Variants in ROBO2 observed in about 807,000 individuals in gnomAD.
ROBO2 encodes the protein roundabout homolog 2.
A neutral mutation model predicts 160.8 loss-of-function variants in ROBO2; 53 were observed. The observed-to-expected ratio is 0.33, with a 90% CI of 0.26 to 0.41. ROBO2 has a LOEUF of 0.41. ROBO2 is among the 10% of genes least tolerant of loss of function. The probability of loss-of-function intolerance (pLI) is 1.00; values close to 1 mark genes in which losing one functional copy is unlikely to be tolerated. For synonymous variants in ROBO2, 664 were observed against 611.7 expected (o/e 1.09, Z -1.26); for missense variants, 1,577 against 1,722.4 (o/e 0.92, Z 1.49).
At chr3:76,762,928 AT>A (rs1288099324) in intron 2 of ROBO2, among the ~76,000 whole-genome samples, 2 of 151,740 alleles carry the variant, frequency 1.3e-5, no homozygotes, top group East Asian at 3.9e-4. Flanking sequence ...CAGAAGGAGT[AT>A]TGTTCACGAT....
intron 6 of ROBO2, among the ~76,000 whole-genome samples, chr3:77,525,842 G>A (rs1162971030): frequency 3.3e-5 from 5 of 149,314 alleles, no homozygotes; most frequent in African/African-American, 1.2e-4. Flanking sequence ...TGTTTCTGAA[G>A]GAAACATTAT....
At chr3:76,293,599 T>C (rs953546004) in intron 2 of ROBO2, among the ~76,000 whole-genome samples, 7 of 152,116 alleles carry the variant, frequency 4.6e-5, no homozygotes, top group African/African-American at 1.4e-4. Context: ...GTAAGACTGA[T>C]TGATTATGTG....
chr3:77,011,269 A>G (rs1304203897), intron 2 of ROBO2, among the ~76,000 whole-genome samples: 1 of 151,784 alleles, frequency 6.6e-6, no homozygotes, highest in African/African-American at 2.4e-5. Flanking sequence ...TTGCTATCGT[A>G]TATTTAGTGC....
intron 5 of ROBO2, among the ~76,000 whole-genome samples, chr3:77,507,644 T>A (rs933198827): frequency 3.3e-5 from 5 of 152,208 alleles, no homozygotes; most frequent in Admixed American, 6.6e-5. Context: ...CTTTTCCAAA[T>A]CTAATAATGC....
At position 77,067,032 on chromosome 3, in the gene ROBO2, A is replaced by T. The variant is rs886552372; in HGVS notation, c.61+26186A>T. On this transcript the variant is annotated intron_variant, in intron 1 of 25. Coordinates refer to ENST00000461745, the Ensembl canonical transcript of ROBO2. The stretch of plus-strand genomic sequence containing the variant: ...CACACTCTCACACACACACACTCAC[A>T]CACACACACACACACACACACACAC... Among the ~76,000 whole-genome samples the T allele has an allele frequency of 4.1e-5, 6 of 146,760 alleles. No individual in the cohort carries two copies. The East Asian group carries it at 9.9e-4, about 24-fold the overall frequency.
chr3:76,531,190 A>G (rs2082204432), intron 2 of ROBO2, among the ~76,000 whole-genome samples: 1 of 152,226 alleles, frequency 6.6e-6, no homozygotes, highest in Admixed American at 6.5e-5. Flanking sequence ...AAAGTAATGA[A>G]AGAATCTACT....
At chr3:76,258,332 C>A (rs1162536239) in intron 2 of ROBO2, among the ~76,000 whole-genome samples, 1 of 151,984 alleles carries the variant, frequency 6.6e-6, no homozygotes, top group Non-Finnish European at 1.5e-5. Flanking sequence ...AATAGCAATA[C>A]ATTTTTATCC....
chr3:77,067,300 G>T (rs910786363), intron 1 of ROBO2, among the ~76,000 whole-genome samples: 6 of 152,210 alleles, frequency 3.9e-5, no homozygotes, highest in African/African-American at 1.2e-4. Flanking sequence ...TCTTCCATCA[G>T]TTTAAAACTC....
intron 2 of ROBO2, among the ~76,000 whole-genome samples, chr3:76,658,189 G>A (rs1254187962): frequency 1.3e-5 from 2 of 151,472 alleles, no homozygotes; most frequent in Non-Finnish European, 2.9e-5. Flanking sequence ...CACATTTTCT[G>A]TAATTCCAAT....
chr3:76,317,969 T>C (rs904843963), intron 2 of ROBO2, among the ~76,000 whole-genome samples: 4 of 152,104 alleles, frequency 2.6e-5, no homozygotes, highest in Admixed American at 2.0e-4. Context: ...GTTAAACTTC[T>C]ATTCAAATTC....
chr3:76,771,458 C>A (rs1193068085), intron 2 of ROBO2, among the ~76,000 whole-genome samples: 1 of 151,128 alleles, frequency 6.6e-6, no homozygotes, highest in East Asian at 2.0e-4. Flanking sequence ...GTTTTAAATT[C>A]TGTAATGCAT....
intron 2 of ROBO2, among the ~76,000 whole-genome samples, chr3:77,185,649 C>A (rs1407815086): frequency 2.0e-5 from 3 of 151,948 alleles, no homozygotes; most frequent in Non-Finnish European, 4.4e-5. Flanking sequence ...ATCCGGTGAT[C>A]TCACTACTGG....
intron 2 of ROBO2, among the ~76,000 whole-genome samples, chr3:75,961,899 A>G (rs375063605): frequency 1.3e-5 from 2 of 151,340 alleles, no homozygotes; most frequent in East Asian, 3.9e-4. Context: ...TTATTCTTTC[A>G]TTGTCACAAA....
intron 1 of ROBO2, among the ~76,000 whole-genome samples, chr3:75,925,586 C>A (rs577550082): frequency 6.6e-6 from 1 of 152,140 alleles, no homozygotes; most frequent in Admixed American, 6.5e-5. Context: ...TAATTTGGTC[C>A]AATACTTCCA....
At chr3:77,577,020 A>T (rs1447539685) in intron 14 of ROBO2, among the ~76,000 whole-genome samples, 1 of 152,132 alleles carries the variant, frequency 6.6e-6, no homozygotes, top group Non-Finnish European at 1.5e-5. Flanking sequence ...GGTTAGAAGA[A>T]GTTATGGTTG....
intron 2 of ROBO2, among the ~76,000 whole-genome samples, chr3:76,335,985 G>T (rs1252473386): frequency 2.0e-5 from 3 of 152,124 alleles, no homozygotes; most frequent in Admixed American, 6.5e-5. Context: ...GTAAACATAG[G>T]TTATATTCAG....
At chr3:76,247,161 C>T (rs1055908013) in intron 2 of ROBO2, among the ~76,000 whole-genome samples, 3 of 152,120 alleles carry the variant, frequency 2.0e-5, no homozygotes, top group East Asian at 3.9e-4. Flanking sequence ...CACACTTTTC[C>T]ATTCCTTGTT....
At chr3:77,222,501 A>G (rs919182774) in intron 2 of ROBO2, among the ~76,000 whole-genome samples, 6 of 152,140 alleles carry the variant, frequency 3.9e-5, no homozygotes, top group Non-Finnish European at 8.8e-5. Flanking sequence ...TTATTTTTAA[A>G]TATAGAGGAA....
intron 2 of ROBO2, among the ~76,000 whole-genome samples, chr3:76,178,551 C>T (rs2073311003): frequency 6.6e-6 from 1 of 152,026 alleles, no homozygotes; most frequent in Admixed American, 6.6e-5. Context: ...CTAGTTTTAC[C>T]AGGAATCGTG....
Sources: gnomAD v4.1 joint callset for allele counts (sites outside exome capture counted in the v4.1 genomes callset) on GRCh38, gnomAD v4.1.1 for gene constraint, MANE v1.5 for transcripts, NCBI Gene and HGNC (gene_info 2026-07-23, HGNC 2026-07-21) for gene names.